The following EXOC4 variants were observed in gnomAD, a reference collection of about 807,000 sequenced individuals.
The protein encoded by EXOC4 is exocyst complex component 4, also known as SEC8-like 1.
EXOC4 carries 71 observed loss-of-function variants against 107.2 expected under a neutral mutation model. The ratio of observed to expected loss-of-function variants is 0.66; its 90% CI spans 0.55 to 0.81. The LOEUF (loss-of-function observed/expected upper bound fraction) is 0.81. Among genes scored for constraint, EXOC4 ranks in the 30% least tolerant of loss-of-function variants. The pLI, the probability that EXOC4 is intolerant of heterozygous loss-of-function variation, is 0.00. For synonymous variants in EXOC4, 456 were observed against 441.2 expected (o/e 1.03, Z -0.42); for missense variants, 1,108 against 1,189.6 (o/e 0.93, Z 1.01).
intron 17 of EXOC4, among the ~76,000 whole-genome samples, chr7:134,019,511 A>G (rs1490917089): frequency 1.3e-5 from 2 of 152,174 alleles, no homozygotes; most frequent in African/African-American, 4.8e-5. Context: ...AGCACATGAC[A>G]TGAACGTTAG....
chr7:133,728,231 CCT>C (rs1336390867), intron 10 of EXOC4, among the ~76,000 whole-genome samples: 1 of 152,218 alleles, frequency 6.6e-6, no homozygotes, highest in Non-Finnish European at 1.5e-5. Flanking sequence ...GGAAGCTAAA[CCT>C]CTGCTTAAAG....
At chr7:133,849,452 T>C (rs990718364) in intron 11 of EXOC4, among the ~76,000 whole-genome samples, 4 of 152,026 alleles carry the variant, frequency 2.6e-5, no homozygotes, top group African/African-American at 9.7e-5. Flanking sequence ...GCTTAAGGAG[T>C]AGTAAAATAT....
chr7:133,617,463 G>A (rs1030217964), intron 9 of EXOC4, among the ~76,000 whole-genome samples: 1 of 152,138 alleles, frequency 6.6e-6, no homozygotes, highest in East Asian at 1.9e-4. Context: ...TGAAAGATAG[G>A]ATTCACATAA....
In EXOC4 at chr7:133,597,418, G is replaced by A. The variant is rs148498401; in HGVS notation, c.1418-32627G>A. ...AAAAATACAAAATAAGCCAGGCATG[G>A]TGGCACATGCCTTTAATCCCAGCTG... On this transcript the variant is annotated intron_variant, in intron 9 of 17. Coordinates refer to ENST00000253861, the MANE Select transcript of EXOC4 (RefSeq NM_021807.4). Among the ~76,000 whole-genome samples, 111 of 151,790 alleles carry A rather than the reference G, an allele frequency of 7.3e-4. No homozygotes were observed. The East Asian group carries it at 0.021, about 29-fold the overall frequency.
intron 9 of EXOC4, among the ~76,000 whole-genome samples, chr7:133,545,182 C>T (rs546967103): frequency 3.4e-4 from 52 of 151,922 alleles, no homozygotes; most frequent in Non-Finnish European, 5.9e-4. Context: ...AGTAATGCCT[C>T]ATTTGTTAGT....
chr7:134,084,919 A>G, the EXOC4 span, among the ~76,000 whole-genome samples: 391 of 838 alleles, frequency 0.47, 1 homozygote, highest in South Asian at 0.5. Flanking sequence ...ACAAATTTAT[A>G]GACAAAAAAG....
rs546853197 is a variant in EXOC4, at chr7:134,027,483, C to G, written c.2687+19648C>G. On this transcript the variant is annotated intron_variant, in intron 17 of 17. Coordinates refer to ENST00000253861, the MANE Select transcript of EXOC4 (RefSeq NM_021807.4). ...GACCATCCTGGCCAACATGGTGGAA[C>G]CCTGTCTCTACTGAAAATACAAAAA... Among the ~76,000 whole-genome samples the G allele has an allele frequency of 2.0e-5, 3 of 152,044 alleles. No individual in the cohort carries two copies. In the South Asian group the frequency reaches 6.3e-4, roughly 32 times the overall value.
At chr7:134,076,484 C>T in the EXOC4 span, among the ~76,000 whole-genome samples, 1 of 151,990 alleles carries the variant, frequency 6.6e-6, no homozygotes, top group Non-Finnish European at 1.5e-5. Flanking sequence ...CGCCACTTCA[C>T]TCCAGCCTGG....
chr7:133,983,871 T>G (rs1030757147), intron 14 of EXOC4, among the ~76,000 whole-genome samples: 1 of 152,216 alleles, frequency 6.6e-6, no homozygotes, highest in African/African-American at 2.4e-5. Flanking sequence ...AGCTGTTCAT[T>G]AGCCCCCACT....
intron 5 of EXOC4, among the ~76,000 whole-genome samples, chr7:133,355,538 C>T (rs144133964): frequency 3.3e-5 from 5 of 152,208 alleles, no homozygotes; most frequent in African/African-American, 1.2e-4. Context: ...CAGCAGTTCT[C>T]CCCTCTCTCC....
At chr7:134,069,295 T>TCTC (rs1479579154), downstream of EXOC4, among the ~76,000 whole-genome samples, 740 of 37,368 alleles carry the variant, frequency 0.02, 21 homozygotes, top group African/African-American at 0.13. Flanking sequence ...TCCCCCTCAT[T>TCTC]CTCCTCCTCC....
rs1024443628 is a variant in EXOC4, at chr7:133,354,328, A to G, written c.764-2002A>G. ...TTTGATGTTGTTATTGTTTTGTTTT[A>G]TAAATTATTGTAGTCAGTGTCTATC... On this transcript the variant is annotated intron_variant, in intron 5 of 17. Transcript: ENST00000253861. Among the ~76,000 whole-genome samples the G allele has an allele frequency of 3.9e-5, 6 of 152,144 alleles. No homozygotes were observed. The East Asian group carries it at 5.8e-4, about 15-fold the overall frequency.
At chr7:133,771,657 T>C (rs1159844146) in intron 10 of EXOC4, among the ~76,000 whole-genome samples, 1 of 152,038 alleles carries the variant, frequency 6.6e-6, no homozygotes. Context: ...AATAATTGTT[T>C]CATTATTGAG....
intron 10 of EXOC4, among the ~76,000 whole-genome samples, chr7:133,816,808 GA>G (rs1230781163): frequency 6.6e-6 from 1 of 152,144 alleles, no homozygotes; most frequent in African/African-American, 2.4e-5. Flanking sequence ...AATCTAATGT[GA>G]TTGCTGATCT....
chr7:133,280,833 T>C (rs551265548), intron 2 of EXOC4, among the ~76,000 whole-genome samples: 6 of 152,154 alleles, frequency 3.9e-5, no homozygotes, highest in Non-Finnish European at 7.4e-5. Context: ...CATGGTTTGC[T>C]AGGAAGTTAT....
rs1057391681 is a variant in EXOC4, at chr7:133,391,418, G to A, written c.1182+16416G>A. 2.6e-5 allele frequency among the ~76,000 whole-genome samples: 4 copies of A among 152,214 alleles called. No individual in the cohort carries two copies. In the South Asian group the frequency reaches 8.3e-4, roughly 32 times the overall value. Reference sequence around the variant, plus strand: ...GCTGTGCTGCACAAAACAGCATCTCGTCACCGAGCTGGGCTGATCATTACT... The same window carrying A: ...GCTGTGCTGCACAAAACAGCATCTCATCACCGAGCTGGGCTGATCATTACT... On this transcript the variant is annotated intron_variant, in intron 7 of 17. Transcript: ENST00000253861.
intron 11 of EXOC4, among the ~76,000 whole-genome samples, chr7:133,864,620 A>G (rs1443848367): frequency 6.6e-6 from 1 of 152,218 alleles, no homozygotes; most frequent in Non-Finnish European, 1.5e-5. Context: ...TTACATTCAA[A>G]TTAGGGAAAG....
At position 134,065,007 on chromosome 7, in the gene EXOC4, G is replaced by A. The variant is rs192576459; in HGVS notation, c.*479G>A. ...ACAGTTCAATGAAATAAGTGTATGT[G>A]CATTGCTGTCTGTCTCTATTGCCAA... On this transcript the variant is annotated 3_prime_UTR_variant, in exon 18 of 18. Transcript: ENST00000253861. The A allele has an allele frequency of 6.5e-6, 1 of 152,712 alleles. No individual in the cohort carries two copies. The highest frequency in any genetic ancestry group is 1.9e-4 in the East Asian group (1 of 5,172). 9.5% of individuals were successfully genotyped at this position (152,712 alleles called of 1,614,324 possible). A position where few individuals can be genotyped will look rare whatever the true frequency, so the allele number is the denominator to read the frequency against.
intron 7 of EXOC4, among the ~76,000 whole-genome samples, chr7:133,402,184 C>T (rs1466693078): frequency 6.6e-6 from 1 of 152,158 alleles, no homozygotes; most frequent in East Asian, 1.9e-4. Context: ...TATTAGTTTG[C>T]CTAAGTATTC....
Sources: gnomAD v4.1 joint callset for allele counts (sites outside exome capture counted in the v4.1 genomes callset) on GRCh38, gnomAD v4.1.1 for gene constraint, MANE v1.5 for transcripts, NCBI Gene and HGNC (gene_info 2026-07-23, HGNC 2026-07-21) for gene names.